Variants in DCAF15 observed in about 807,000 individuals in gnomAD.
DCAF15 encodes DDB1 and CUL4 associated factor 15, also known as DDB1- and CUL4-associated factor 15.
Under a neutral mutation model 68.0 loss-of-function variants are expected in DCAF15, and 24 were observed. The ratio of observed to expected loss-of-function variants is 0.35; its 90% CI spans 0.26 to 0.50. The LOEUF (loss-of-function observed/expected upper bound fraction) is 0.50. DCAF15 is among the 20% of genes least tolerant of loss of function. The probability of loss-of-function intolerance (pLI) is 0.98; values close to 1 mark genes in which losing one functional copy is unlikely to be tolerated. For synonymous variants in DCAF15, 376 were observed against 341.6 expected (o/e 1.10, Z -1.11); for missense variants, 627 against 830.6 (o/e 0.75, Z 3.01).
chr19:13,952,783 C>A, intron 1 of DCAF15, 139 bp downstream of exon 1: 1 of 341,796 alleles, frequency 2.9e-6, no homozygotes, highest in Non-Finnish European at 3.9e-6. Context: ...AGGGCCTGGG[C>A]GGGGCCCGGG....
In DCAF15 at chr19:13,959,970, A is replaced by AC. The variant is rs558854075; in HGVS notation, c.1441-9dup. 1.0e-3 allele frequency: 1,626 copies of AC among 1,605,886 alleles called. 18 individuals are homozygous for AC. The highest frequency in any genetic ancestry group is 4.5e-3 in the South Asian group (408 of 90,914). On this transcript the variant is annotated splice_polypyrimidine_tract_variant and intron_variant, in intron 9 of 12. Coordinates refer to ENST00000254337, the MANE Select transcript of DCAF15 (RefSeq NM_138353.4). The stretch of plus-strand genomic sequence containing the variant: ...TCGCCCTCAACAGTTGGCATCATCC[A>AC]CCCCCACCCCCAGGTCTGCCCAGAA...
chr19:13,952,684 G>A (rs1973110786), intron 1 of DCAF15, 40 bp downstream of exon 1: 1 of 1,295,546 alleles, frequency 7.7e-7, no homozygotes, highest in East Asian at 3.1e-5. Context: ...GCCGGAGGGT[G>A]GGGAGTAGGG....
rs1288341985 is a variant in DCAF15, at chr19:13,954,616, C to T, written c.321C>T (p.Tyr107=). The part of the protein sequence containing the change: ...SGDDDFSFYI[Y]HLYWWEFNVH... The stretch of plus-strand genomic sequence containing the variant: ...ATGACGACTTCTCCTTCTACATCTA[C>T]CATCTGTACTGGTGGGAGTTCAACG... Residue 107 remains tyrosine, a synonymous_variant, in exon 3 of 13, where the codon TAC becomes TAT. Coordinates refer to ENST00000254337, the MANE Select transcript of DCAF15 (RefSeq NM_138353.4). The T allele has an allele frequency of 1.4e-5, 22 of 1,614,200 alleles. No homozygotes were observed. The highest frequency in any genetic ancestry group is 1.9e-5 in the Non-Finnish European group (22 of 1,180,052).
At chr19:13,957,423 G>A (rs1490079788) in intron 6 of DCAF15, among the ~76,000 whole-genome samples, 1 of 152,184 alleles carries the variant, frequency 6.6e-6, no homozygotes, top group African/African-American at 2.4e-5. Context: ...CTGCTGAGGG[G>A]GAGTTGGGGG....
In DCAF15 at chr19:13,954,610, C is replaced by T. The variant is rs1355667484; in HGVS notation, c.315C>T (p.Tyr105=). The change falls in exon 3 of 13, where the codon TAC becomes TAT. Residue 105 remains tyrosine, a synonymous_variant. Coordinates refer to ENST00000254337, the MANE Select transcript of DCAF15 (RefSeq NM_138353.4). ...SSSGDDDFSF[Y]IYHLYWWEFN... Reference sequence around the variant, plus strand: ...GTGGGGATGACGACTTCTCCTTCTACATCTACCATCTGTACTGGTGGGAGT... The same window carrying T: ...GTGGGGATGACGACTTCTCCTTCTATATCTACCATCTGTACTGGTGGGAGT... 6.2e-7 allele frequency: 1 copy of T among 1,614,220 alleles called. No homozygotes were observed. The highest frequency in any genetic ancestry group is 8.5e-7 in the Non-Finnish European group (1 of 1,180,040).
chr19:13,959,709 CG>C (rs1339973960), intron 8 of DCAF15, 36 bp downstream of exon 8: 1 of 1,612,460 alleles, frequency 6.2e-7, no homozygotes, highest in Non-Finnish European at 8.5e-7. Flanking sequence ...AGGACAGTCC[CG>C]GGGAGCTGCC....
At chr19:13,960,113 C>T (rs1196929028) in intron 10 of DCAF15, 44 bp downstream of exon 10, 2 of 1,607,018 alleles carry the variant, frequency 1.2e-6, no homozygotes, top group Non-Finnish European at 1.7e-6. Flanking sequence ...AGGGGGGCCA[C>T]TGGCAGACAC....
intron 3 of DCAF15, 105 bp from the exon 4 acceptor site, chr19:13,955,807 C>A: frequency 8.9e-7 from 1 of 1,118,114 alleles, no homozygotes; most frequent in Non-Finnish European, 1.3e-6. Flanking sequence ...TGTTGGGGTG[C>A]TCCTACCCGC....
chr19:13,961,223 C>T lies in DCAF15; in HGVS notation c.*228C>T. On this transcript the variant is annotated 3_prime_UTR_variant, in exon 13 of 13. Coordinates refer to ENST00000254337, the MANE Select transcript of DCAF15 (RefSeq NM_138353.4). ...AGGGGCAGAGAGAGGGCGCCCCCTG[C>T]CCCACCAGCCTGAGTGCCCCGCCTT... is the stretch of plus-strand genomic sequence containing the variant. 2 of 590,902 alleles carry T rather than the reference C, an allele frequency of 3.4e-6. No individual in the cohort carries two copies. The highest frequency in any genetic ancestry group is 2.0e-5 in the South Asian group (1 of 51,188). 36.6% of individuals were successfully genotyped at this position (590,902 alleles called of 1,614,324 possible).
chr19:13,960,980 G>A lies in DCAF15; in HGVS notation c.1788G>A (p.Thr596=), dbSNP rs748440703. 9.9e-6 allele frequency: 16 copies of A among 1,613,814 alleles called. No individual in the cohort carries two copies. In the East Asian group the frequency reaches 1.3e-4, roughly 13 times the overall value. The part of the protein sequence containing the change: ...LKVLADSERY[T]WIVL ...TTCTGGCGGACAGCGAGCGATATAC[G>A]TGGATCGTGCTGTGAGGGCCAGGCC... The change falls in exon 13 of 13, where the codon ACG becomes ACA. Residue 596 remains threonine, a synonymous_variant. Coordinates refer to ENST00000254337, the MANE Select transcript of DCAF15 (RefSeq NM_138353.4).
chr19:13,952,935 C>T, intron 1 of DCAF15: 1 of 880,846 alleles, frequency 1.1e-6, no homozygotes. Context: ...CCCCAGAGGC[C>T]GCAGGGAGAA....
chr19:13,959,726 G>T (rs915580529), intron 8 of DCAF15, 41 bp from the exon 9 acceptor site: 1 of 1,612,730 alleles, frequency 6.2e-7, no homozygotes, highest in East Asian at 2.2e-5. Context: ...CTGCCGGGGG[G>T]CAGTTGGCAC....
rs372952267 is a variant in DCAF15 at position 13,959,979 on chromosome 19, C to G, written c.1441-5C>G. The G allele has an allele frequency of 6.2e-6, 10 of 1,613,566 alleles. No homozygotes were observed. The African/African-American group carries it at 8.0e-5, about 13-fold the overall frequency. On this transcript the variant is annotated splice_region_variant and splice_polypyrimidine_tract_variant and intron_variant, in intron 9 of 12. Transcript: ENST00000254337. ...ACAGTTGGCATCATCCACCCCCACC[C>G]CCAGGTCTGCCCAGAAACCAACCAG...
intron 6 of DCAF15, among the ~76,000 whole-genome samples, chr19:13,957,263 G>A (rs2145495819): frequency 6.6e-6 from 1 of 152,340 alleles, no homozygotes; most frequent in South Asian, 2.1e-4. Context: ...CAAATGTCAG[G>A]AGGCTGGATC....
intron 1 of DCAF15, among the ~76,000 whole-genome samples, chr19:13,953,567 G>C (rs1014269173): frequency 1.3e-5 from 2 of 152,226 alleles, no homozygotes; most frequent in African/African-American, 4.8e-5. Flanking sequence ...TCCTCCGTCA[G>C]ACTGAGACCT....
intron 6 of DCAF15, among the ~76,000 whole-genome samples, chr19:13,957,427 T>G (rs1299481768): frequency 7.3e-5 from 11 of 151,344 alleles, no homozygotes; most frequent in Non-Finnish European, 1.5e-4. Context: ...TGAGGGGGAG[T>G]TGGGGGCCAC....
chr19:13,952,728 G>A (rs1028497790), intron 1 of DCAF15, 84 bp downstream of exon 1: 1 of 1,299,340 alleles, frequency 7.7e-7, no homozygotes, highest in Non-Finnish European at 9.8e-7. Flanking sequence ...GCGTTCGCGG[G>A]GTGAGGGGTT....
intron 11 of DCAF15, 33 bp downstream of exon 11, chr19:13,960,424 CG>C (rs1332198466): frequency 6.8e-6 from 11 of 1,612,424 alleles, no homozygotes; most frequent in Non-Finnish European, 9.3e-6. Flanking sequence ...GGTCAGGGCG[CG>C]GCCAAGGCGA....
At position 13,959,363 on chromosome 19, in the gene DCAF15, C is replaced by T. The variant is rs745327948; in HGVS notation, c.1103C>T (p.Thr368Met). The T allele has an allele frequency of 3.1e-5, 50 of 1,605,742 alleles. No homozygotes were observed. Among genetic ancestry groups the T allele is most frequent in the African/African-American group, 9.3e-5 (7 of 74,936 alleles). ...GAGCCCCTAGCCCTGTGTGGAGAGA[C>T]GGCACCCCGGGACAGCCCCCCTGCC... The part of the protein sequence containing the change: ...HSEPLALCGE[T>M]APRDSPPASE... The change falls in exon 7 of 13, where the codon ACG becomes ATG. Residue 368 changes from threonine (T) to methionine (M), a missense_variant. Coordinates refer to ENST00000254337, the MANE Select transcript of DCAF15 (RefSeq NM_138353.4).
Sources: allele counts gnomAD v4.1 joint callset (sites outside exome capture counted in the v4.1 genomes callset), GRCh38; gene constraint gnomAD v4.1.1; transcripts MANE v1.5; gene names NCBI Gene and HGNC (gene_info 2026-07-23, HGNC 2026-07-21).